PYGO1: variants seen among roughly 807,000 people sequenced by gnomAD.
PYGO1 encodes the protein pygopus family PHD finger 1, also known as pygopus homolog 1.
Under a neutral mutation model 29.5 loss-of-function variants are expected in PYGO1, and 6 were observed. That is an observed-to-expected ratio of 0.20 (90% confidence interval 0.11 to 0.40). The LOEUF is 0.40. Ranked by LOEUF, PYGO1 falls within the 10% of genes least tolerant of loss-of-function variation. The pLI, the probability that PYGO1 is intolerant of heterozygous loss-of-function variation, is 1.00. For missense variants in PYGO1, 515 were observed against 514.9 expected (o/e 1.00, Z 0.00); for synonymous variants, 186 against 180.5 (o/e 1.03, Z -0.24).
rs753098064 is a variant in PYGO1 at position 55,547,096 on chromosome 15, A to C, written c.187T>G (p.Ser63Ala). ...GGATTAGCAGCCACTAGATGGTCAGAGTTTGGATTCGGTGGTGGAGCATAC... is the reference window on the plus strand; with the variant it reads ...GGATTAGCAGCCACTAGATGGTCAGCGTTTGGATTCGGTGGTGGAGCATAC... ...SEYAPPPNPN[S>A]DHLVAANPFD... The change falls in exon 3 of 3, where the codon TCT becomes GCT. Residue 63 changes from serine (S) to alanine (A), a missense_variant. Ser to Ala is a moderately conservative substitution (Grantham distance 99). Coordinates refer to ENST00000563719, the MANE Select transcript of PYGO1 (RefSeq NM_001367806.1). 2 of 1,611,930 alleles carry C rather than the reference A, an allele frequency of 1.2e-6. No individual in the cohort carries two copies. Among genetic ancestry groups the C allele is most frequent in the South Asian group, 1.1e-5 (1 of 91,034 alleles).
Position 55,538,981 on chromosome 15 carries a change from C to T in PYGO1, c.*7042G>A, listed in dbSNP as rs999800778. On this transcript the variant is annotated 3_prime_UTR_variant, in exon 3 of 3. Transcript: ENST00000563719. ...ATACATATTATTCAAGAAAGCCTGC[C>T]ATACATCATTTCTACTAATGGTAGG... 6.6e-6 allele frequency: 1 copy of T among 152,130 alleles called. No individual in the cohort carries two copies. The highest frequency in any genetic ancestry group is 2.4e-5 in the African/African-American group (1 of 41,428). The allele number at this position is 152,130 out of a possible 1,614,324, so 9.4% of individuals were successfully genotyped here.
intron 1 of PYGO1, among the ~76,000 whole-genome samples, chr15:55,552,494 A>T (rs1369219032): frequency 6.6e-6 from 1 of 152,098 alleles, no homozygotes; most frequent in Non-Finnish European, 1.5e-5. Context: ...TGACCAAGTG[A>T]ACAACTTGAC....
At chr15:55,560,983 C>A (rs1044350903) in intron 1 of PYGO1, among the ~76,000 whole-genome samples, 10 of 151,926 alleles carry the variant, frequency 6.6e-5, no homozygotes, top group African/African-American at 2.4e-4. Flanking sequence ...ACAAACCCCA[C>A]TACTTTAAAG....
At chr15:55,575,634 T>A (rs1345955557) in intron 1 of PYGO1, among the ~76,000 whole-genome samples, 1 of 152,152 alleles carries the variant, frequency 6.6e-6, no homozygotes, top group Non-Finnish European at 1.5e-5. Flanking sequence ...TCTGTTCTTC[T>A]CCATGGCAAC....
At chr15:55,552,753 C>G (rs1264885959) in intron 1 of PYGO1, among the ~76,000 whole-genome samples, 1 of 152,130 alleles carries the variant, frequency 6.6e-6, no homozygotes, top group Admixed American at 6.5e-5. Flanking sequence ...AGCAGCCACT[C>G]AGGCACACAC....
intron 1 of PYGO1, among the ~76,000 whole-genome samples, chr15:55,555,581 A>T (rs2058900790): frequency 6.6e-6 from 1 of 150,808 alleles, no homozygotes; most frequent in Admixed American, 6.6e-5. Flanking sequence ...CTAAATGACG[A>T]GTTAATGGGT....
rs1350876214 is a variant in PYGO1 at position 55,544,578 on chromosome 15, T to G, written c.*1445A>C. The stretch of plus-strand genomic sequence containing the variant: ...ACATTGTTTTTAAATCACATTTTCA[T>G]GCATAATTTAAATTTCTTGATAATA... On this transcript the variant is annotated 3_prime_UTR_variant, in exon 3 of 3. Coordinates refer to ENST00000563719, the MANE Select transcript of PYGO1 (RefSeq NM_001367806.1). 1 of 152,250 alleles carries G rather than the reference T, an allele frequency of 6.6e-6. No homozygotes were observed. The highest frequency in any genetic ancestry group is 1.5e-5 in the Non-Finnish European group (1 of 68,038). The allele number at this position is 152,250 out of a possible 1,614,324, so 9.4% of individuals were successfully genotyped here.
chr15:55,581,445 G>A (rs919134565), intron 1 of PYGO1, among the ~76,000 whole-genome samples: 2 of 152,138 alleles, frequency 1.3e-5, no homozygotes, highest in African/African-American at 4.8e-5. Context: ...AAGAAAGTTT[G>A]ATTTTTACTC....
rs564160788 is a variant in PYGO1, at chr15:55,548,746, A to G, written c.135+164T>C. Among the ~76,000 whole-genome samples, 48 of 129,466 alleles carry G rather than the reference A, an allele frequency of 3.7e-4. No individual in the cohort carries two copies. In the South Asian group the frequency reaches 7.3e-3, roughly 20 times the overall value. 84.9% of individuals were successfully genotyped at this position (129,466 alleles called of 152,430 possible). On this transcript the variant is annotated intron_variant, in intron 2 of 2. Coordinates refer to ENST00000563719, the MANE Select transcript of PYGO1 (RefSeq NM_001367806.1). The stretch of plus-strand genomic sequence containing the variant: ...AAAAAAAAAAAAAAAAAAAAAAAAA[A>G]AAAGAAAGTACCATCACTGGAATGA...
intron 2 of PYGO1, among the ~76,000 whole-genome samples, chr15:55,548,707 T>TAAAAAAAAAA (rs60796044): frequency 2.9e-4 from 16 of 55,444 alleles, no homozygotes; most frequent in African/African-American, 9.1e-4. Flanking sequence ...AGAATCCACC[T>TAAAAAAAAAA]AAAAAAAAAA....
Position 55,557,385 on chromosome 15 carries a change from C to A in PYGO1, c.50-8390G>T, listed in dbSNP as rs192734305. 9.0e-4 allele frequency among the ~76,000 whole-genome samples: 137 copies of A among 152,192 alleles called. 1 individual carries two copies. Among genetic ancestry groups the A allele is most frequent in the African/African-American group, 3.2e-3 (131 of 41,528 alleles). Reference sequence around the variant, plus strand: ...CAACCAAAAAAAGTCCAGGACCAGACGGATTCACAGCTGAATTCTACCAGA... The same window carrying A: ...CAACCAAAAAAAGTCCAGGACCAGAAGGATTCACAGCTGAATTCTACCAGA... On this transcript the variant is annotated intron_variant, in intron 1 of 2. Transcript: ENST00000563719.
intron 1 of PYGO1, among the ~76,000 whole-genome samples, chr15:55,562,121 A>T (rs1237729155): frequency 6.6e-6 from 1 of 152,242 alleles, no homozygotes; most frequent in African/African-American, 2.4e-5. Flanking sequence ...AGAGAAATGC[A>T]AATCAAAACC....
chr15:55,565,859 G>A (rs2058954176), intron 1 of PYGO1, among the ~76,000 whole-genome samples: 2 of 152,082 alleles, frequency 1.3e-5, no homozygotes, highest in African/African-American at 4.8e-5. Context: ...TTGGTTCACT[G>A]CAACCTCCAA....
chr15:55,551,647 TA>T (rs777777625), intron 1 of PYGO1, among the ~76,000 whole-genome samples: 65 of 149,496 alleles, frequency 4.3e-4, no homozygotes, highest in African/African-American at 7.4e-4. Context: ...AAATTAAAAT[TA>T]AAAAAAAAAT....
intron 1 of PYGO1, among the ~76,000 whole-genome samples, chr15:55,566,475 C>G (rs1185509025): frequency 6.6e-6 from 1 of 151,886 alleles, no homozygotes; most frequent in African/African-American, 2.4e-5. Flanking sequence ...ATCCAATCCA[C>G]CACTGATGGG....
At chr15:55,588,789 G>T (rs762559220), upstream of PYGO1, 13 of 1,613,032 alleles carry the variant, frequency 8.1e-6, no homozygotes, top group South Asian at 1.3e-4. Context: ...CTAGGGATCG[G>T]AAAGATGAAC....
intron 1 of PYGO1, among the ~76,000 whole-genome samples, chr15:55,572,343 T>A (rs920455197): frequency 5.3e-5 from 8 of 152,086 alleles, no homozygotes; most frequent in African/African-American, 1.9e-4. Flanking sequence ...AAAAACTGAA[T>A]AACCACATGC....
At chr15:55,578,468 T>G (rs1567059827) in intron 1 of PYGO1, among the ~76,000 whole-genome samples, 1 of 152,162 alleles carries the variant, frequency 6.6e-6, no homozygotes. Flanking sequence ...CATTTTATAT[T>G]TTCATCTGCA....
intron 1 of PYGO1, among the ~76,000 whole-genome samples, chr15:55,564,539 A>C (rs1040375331): frequency 3.3e-5 from 5 of 152,208 alleles, no homozygotes; most frequent in Non-Finnish European, 5.9e-5. Flanking sequence ...CCTAGTGGCC[A>C]GAACAGAGAG....
Sources: gnomAD v4.1 joint callset for allele counts (sites outside exome capture counted in the v4.1 genomes callset) on GRCh38, gnomAD v4.1.1 for gene constraint, MANE v1.5 for transcripts, NCBI Gene and HGNC (gene_info 2026-07-23, HGNC 2026-07-21) for gene names.